Variants in PMFBP1 observed in about 807,000 individuals in gnomAD.
The protein encoded by PMFBP1 is polyamine-modulated factor 1-binding protein 1.
PMFBP1 carries 131 observed loss-of-function variants against 137.8 expected under a neutral mutation model. The ratio of observed to expected loss-of-function variants is 0.95; its 90% CI spans 0.82 to 1.10. PMFBP1 has a LOEUF of 1.10. Ranked by LOEUF, PMFBP1 falls within the 50% of genes least tolerant of loss-of-function variation. The pLI, the probability that PMFBP1 is intolerant of heterozygous loss-of-function variation, is 0.00. For missense variants in PMFBP1, 1,199 were observed against 1,175.4 expected, an observed-to-expected ratio of 1.02 and a Z score of -0.29; for synonymous variants, 490 against 450.4, an observed-to-expected ratio of 1.09 and a Z score of -1.11.
At chr16:72,138,912 CA>C (rs35349842) in intron 7 of PMFBP1, among the ~76,000 whole-genome samples, 1,554 of 120,082 alleles carry the variant, frequency 0.013, 9 homozygotes, top group East Asian at 0.046. Context: ...ACAGAGTTCT[CA>C]AAAAAAAAAA....
intron 3 of PMFBP1, chr16:72,164,513 A>G: frequency 7.0e-7 from 1 of 1,424,976 alleles, no homozygotes; most frequent in South Asian, 1.2e-5. Flanking sequence ...GAAAGGCCAG[A>G]TAAGGAAAAC....
chr16:72,226,571 C>T, the PMFBP1 span, among the ~76,000 whole-genome samples: 1 of 152,094 alleles, frequency 6.6e-6, no homozygotes, highest in Non-Finnish European at 1.5e-5. Context: ...CATTTGTCTC[C>T]ATTATATATC....
the PMFBP1 span, among the ~76,000 whole-genome samples, chr16:72,187,311 T>C: frequency 6.6e-6 from 1 of 152,122 alleles, no homozygotes; most frequent in Non-Finnish European, 1.5e-5. Context: ...TACAGTGGGC[T>C]CCAAGATCTG....
chr16:72,173,789 G>C (rs1279781140), upstream of PMFBP1: 1 of 152,286 alleles, frequency 6.6e-6, no homozygotes, highest in Non-Finnish European at 1.5e-5. Context: ...TGACTGAGGA[G>C]TATGGCTGGA....
chr16:72,179,565 T>C (rs2043269563), upstream of PMFBP1, among the ~76,000 whole-genome samples: 1 of 151,956 alleles, frequency 6.6e-6, no homozygotes, highest in South Asian at 2.1e-4. Flanking sequence ...AAGTACTGTT[T>C]ATTAAGAAAT....
chr16:72,197,335 G>C, the PMFBP1 span, among the ~76,000 whole-genome samples: 3 of 152,174 alleles, frequency 2.0e-5, 1 homozygote, highest in Admixed American at 6.5e-5. Context: ...GAGAAGCCAG[G>C]AGGCCTTGTT....
chr16:72,190,188 C>T, the PMFBP1 span, among the ~76,000 whole-genome samples: 1 of 152,262 alleles, frequency 6.6e-6, no homozygotes, highest in South Asian at 2.1e-4. Flanking sequence ...TCCCATAATC[C>T]TAATCTCCTG....
At chr16:72,222,564 G>C in the PMFBP1 span, among the ~76,000 whole-genome samples, 4 of 152,124 alleles carry the variant, frequency 2.6e-5, no homozygotes, top group African/African-American at 9.7e-5. Context: ...AGCACAAAGG[G>C]AAACAAAGAC....
chr16:72,123,009 A>G (rs773375876), intron 18 of PMFBP1, 21 bp from the exon 19 acceptor site: 2 of 1,607,186 alleles, frequency 1.2e-6, no homozygotes, highest in Non-Finnish European at 8.5e-7. Context: ...ATCACAGGAG[A>G]AAACAGCAGC....
chr16:72,170,290 T>G (rs2043202777), intron 2 of PMFBP1, among the ~76,000 whole-genome samples: 1 of 150,734 alleles, frequency 6.6e-6, no homozygotes, highest in South Asian at 2.1e-4. Flanking sequence ...AGGAAAGGAG[T>G]GGACTGCCTG....
chr16:72,187,935 G>C, the PMFBP1 span, among the ~76,000 whole-genome samples: 1 of 152,232 alleles, frequency 6.6e-6, no homozygotes, highest in Non-Finnish European at 1.5e-5. Flanking sequence ...GCTGTGAGCA[G>C]AAAGTGCTGA....
chr16:72,132,304 T>G (rs1253303891), intron 10 of PMFBP1, among the ~76,000 whole-genome samples: 3 of 151,574 alleles, frequency 2.0e-5, no homozygotes, highest in Non-Finnish European at 2.9e-5. Flanking sequence ...GCAGGCTCTG[T>G]GGAGGGACAA....
At position 72,123,038 on chromosome 16, in the gene PMFBP1, G is replaced by A. The variant is rs78413266; in HGVS notation, c.2694-50C>T. 12,022 of 1,529,342 alleles carry A rather than the reference G, an allele frequency of 7.9e-3. 806 individuals are homozygous for A. In the African/African-American group the frequency reaches 0.15, roughly 18 times the overall value. 94.7% of individuals were successfully genotyped at this position (1,529,342 alleles called of 1,614,324 possible). ...CAGCAGCCAGTCGCCAGCCTCCCGC[G>A]AGCAAGGGTGCAGCTGGCTGAATGG... On this transcript the variant is annotated intron_variant, in intron 18 of 20. Transcript: ENST00000237353.
chr16:72,150,667 C>T lies in PMFBP1; in HGVS notation c.577G>A (p.Glu193Lys), dbSNP rs35370634. 247,325 of 1,613,838 alleles carry T rather than the reference C, an allele frequency of 0.15. 21,135 individuals are homozygous for T. Among genetic ancestry groups the T allele is most frequent in the South Asian group, 0.19 (16,901 of 91,070 alleles). ...ATCTTCACTTGGCATTCTAGTAACT[C>T]GATGTTGCTCAGGGAAGACTGGTAT... The part of the protein sequence containing the change: ...DKYQSSLSNI[E>K]LLECQVKMLQ... Residue 193 changes from glutamate (E) to lysine (K), a missense_variant, in exon 5 of 21, where the codon GAG becomes AAG. Transcript: ENST00000237353.
chr16:72,125,996 TG>T lies in PMFBP1; in HGVS notation c.2224del (p.Gln742ArgfsTer4). Reference protein sequence around the residue: ...DALSRKSAACQDDLTQALEKL... With the variant: ...DALSRKSAACXDDLTQALEKL... ...CTCGAGGGCTTGTGTCAGGTCATCC[TG>T]GCAGGCGGCTGACTTCCGGGATAAT... On this transcript the variant is annotated frameshift_variant, in exon 15 of 21. Coordinates refer to ENST00000237353, the MANE Select transcript of PMFBP1 (RefSeq NM_031293.3). LOFTEE classifies it high-confidence loss of function. 4 of 1,614,190 alleles carry T rather than the reference TG, an allele frequency of 2.5e-6. No homozygotes were observed. Among genetic ancestry groups the T allele is most frequent in the Non-Finnish European group, 3.4e-6 (4 of 1,180,018 alleles).
rs2042525242 is a variant in PMFBP1 at position 72,130,104 on chromosome 16, C to G, written c.1782+109G>C. On this transcript the variant is annotated intron_variant, in intron 12 of 20. Coordinates refer to ENST00000237353, the MANE Select transcript of PMFBP1 (RefSeq NM_031293.3). The stretch of plus-strand genomic sequence containing the variant: ...CCCTGGGCTCAAGTGATCTGCCTGC[C>G]TTGGCCTCGCAAAGAGCTGAGATTA... 4 of 1,459,770 alleles carry G rather than the reference C, an allele frequency of 2.7e-6. No individual in the cohort carries two copies. In the South Asian group the frequency reaches 3.8e-5, roughly 14 times the overall value. 90.4% of individuals were successfully genotyped at this position (1,459,770 alleles called of 1,614,324 possible). A position where few individuals can be genotyped will look rare whatever the true frequency, so the allele number is the denominator to read the frequency against.
intron 9 of PMFBP1, among the ~76,000 whole-genome samples, chr16:72,134,579 C>T (rs1321914677): frequency 6.6e-6 from 1 of 152,220 alleles, no homozygotes; most frequent in East Asian, 1.9e-4. Flanking sequence ...GGAGTCCTTA[C>T]AAGCACCCCA....
In PMFBP1 at chr16:72,125,894, T is replaced by TTCTC. The variant is rs778676416; in HGVS notation, c.2253+73_2253+74insGAGA. ...GACAGTCAATAGGCAGGAAATTGGC[T>TTCTC]CCTGTGCTTCTCCCGCTACCTTGAC... On this transcript the variant is annotated intron_variant, in intron 15 of 20. Coordinates refer to ENST00000237353, the MANE Select transcript of PMFBP1 (RefSeq NM_031293.3). 75 of 1,539,964 alleles carry TTCTC rather than the reference T, an allele frequency of 4.9e-5. 2 individuals carry two copies. Among genetic ancestry groups the TTCTC allele is most frequent in the Admixed American group, 2.9e-4 (16 of 54,254 alleles).
chr16:72,245,458 C>T, the PMFBP1 span, among the ~76,000 whole-genome samples: 2 of 152,142 alleles, frequency 1.3e-5, no homozygotes, highest in East Asian at 1.9e-4. Flanking sequence ...TGCTCTTAAA[C>T]GCTGTAGTTT....
Sources: allele counts gnomAD v4.1 joint callset (sites outside exome capture counted in the v4.1 genomes callset), GRCh38; gene constraint gnomAD v4.1.1; transcripts MANE v1.5; gene names NCBI Gene and HGNC (gene_info 2026-07-23, HGNC 2026-07-21).